Variants in NFIA observed in about 807,000 individuals in gnomAD.
NFIA encodes nuclear factor I A.
Under a neutral mutation model 62.8 loss-of-function variants are expected in NFIA, and 8 were observed. That is an observed-to-expected ratio of 0.13 (90% CI 0.07 to 0.23). The LOEUF (loss-of-function observed/expected upper bound fraction) is 0.23, where lower values mean the gene tolerates loss of function less well. Ranked by LOEUF, NFIA falls within the 10% of genes least tolerant of loss-of-function variation. The probability of loss-of-function intolerance (pLI) is 1.00; values close to 1 mark genes in which losing one functional copy is unlikely to be tolerated. For missense variants in NFIA, 410 were observed against 642.1 expected (o/e 0.64, Z 3.91); for synonymous variants, 235 against 238.1 (o/e 0.99, Z 0.12).
At chr1:61,359,010 A>G (rs1663136621) in intron 5 of NFIA, 137 bp from the exon 6 acceptor site, 1 of 1,221,448 alleles carries the variant, frequency 8.2e-7, no homozygotes, top group South Asian at 1.5e-5. Flanking sequence ...GACTGAACAG[A>G]AGTTTAAAAG....
Position 61,245,850 on chromosome 1 carries a change from A to G in NFIA, c.560-31670A>G, listed in dbSNP as rs187985516. 4.1e-3 allele frequency among the ~76,000 whole-genome samples: 627 copies of G among 152,346 alleles called. 9 individuals carry two copies. The highest frequency in any genetic ancestry group is 0.019 in the Admixed American group (292 of 15,306). On this transcript the variant is annotated intron_variant, in intron 2 of 10. Coordinates refer to ENST00000403491, the MANE Select transcript of NFIA (RefSeq NM_001134673.4). ...AAATTCATTTGGAATTTAAATACTT[A>G]GAGCTCACGGCAAGAGTCCAAGACA...
chr1:61,290,659 G>A (rs1277890310), intron 3 of NFIA, among the ~76,000 whole-genome samples: 2 of 152,188 alleles, frequency 1.3e-5, no homozygotes, highest in Admixed American at 6.5e-5. Context: ...CTTGTTGTCC[G>A]AGCTTGAGCC....
intron 6 of NFIA, among the ~76,000 whole-genome samples, 158 bp downstream of exon 6, chr1:61,359,432 A>G (rs1405164833): frequency 6.6e-6 from 1 of 152,258 alleles, no homozygotes; most frequent in African/African-American, 2.4e-5. Flanking sequence ...TGCCACATTC[A>G]TAAAAGGATG....
chr1:61,260,505 G>A (rs1027706595), intron 2 of NFIA, among the ~76,000 whole-genome samples: 2 of 152,190 alleles, frequency 1.3e-5, no homozygotes, highest in Admixed American at 6.5e-5. Flanking sequence ...TTGGCACATA[G>A]TACATGCTCA....
At chr1:61,383,816 A>G (rs1171752606) in intron 7 of NFIA, among the ~76,000 whole-genome samples, 1 of 152,208 alleles carries the variant, frequency 6.6e-6, no homozygotes, top group Non-Finnish European at 1.5e-5. Flanking sequence ...CTCTCTTTCC[A>G]TAAAACCTGA....
chr1:61,452,060 T>C (rs941742043), intron 10 of NFIA, among the ~76,000 whole-genome samples: 4 of 152,208 alleles, frequency 2.6e-5, no homozygotes, highest in African/African-American at 7.2e-5. Context: ...GCTTGCATAA[T>C]AGAAATTATA....
At chr1:61,337,738 C>T (rs1299540960) in intron 4 of NFIA, among the ~76,000 whole-genome samples, 1 of 152,196 alleles carries the variant, frequency 6.6e-6, no homozygotes, top group Non-Finnish European at 1.5e-5. Flanking sequence ...CTTGAAGTTG[C>T]TACAAAGAGA....
At chr1:61,142,385 T>C (rs1463341194) in intron 2 of NFIA, among the ~76,000 whole-genome samples, 4 of 152,204 alleles carry the variant, frequency 2.6e-5, no homozygotes, top group African/African-American at 7.2e-5. Context: ...CTGAACATAC[T>C]GTATGTTATT....
intron 3 of NFIA, among the ~76,000 whole-genome samples, chr1:61,315,634 G>A (rs1421186788): frequency 1.3e-5 from 2 of 152,124 alleles, no homozygotes; most frequent in African/African-American, 4.8e-5. Context: ...TATTAGAGCT[G>A]GAGGAGCTGC....
chr1:61,344,090 A>G (rs1249699899), intron 4 of NFIA, among the ~76,000 whole-genome samples: 1 of 152,152 alleles, frequency 6.6e-6, no homozygotes, highest in Admixed American at 6.5e-5. Flanking sequence ...TCTCATAGGC[A>G]GTGTTCAGGA....
chr1:61,280,839 G>T (rs1197934726), intron 3 of NFIA, among the ~76,000 whole-genome samples: 2 of 152,172 alleles, frequency 1.3e-5, no homozygotes, highest in African/African-American at 4.8e-5. Flanking sequence ...ATAATATAAT[G>T]GGTAAAAACT....
chr1:61,177,686 T>TGTGTGTGTGTGTG (rs1557616609), intron 2 of NFIA, among the ~76,000 whole-genome samples: 3 of 151,248 alleles, frequency 2.0e-5, no homozygotes, highest in South Asian at 2.1e-4. Context: ...TGTGTGTGTG[T>TGTGTGTGTGTGTG]TGGAATACCA....
chr1:61,303,318 C>G (rs1047681610), intron 3 of NFIA, among the ~76,000 whole-genome samples: 1 of 152,130 alleles, frequency 6.6e-6, no homozygotes, highest in African/African-American at 2.4e-5. Flanking sequence ...AAATCCCTGC[C>G]CCTCAAGGAG....
intron 2 of NFIA, among the ~76,000 whole-genome samples, chr1:61,100,635 C>T (rs1020397485): frequency 3.3e-5 from 5 of 152,238 alleles, no homozygotes; most frequent in Middle Eastern, 3.4e-3. Flanking sequence ...GCTCTGTTGC[C>T]TAGCTGGAGT....
At chr1:61,146,859 G>T (rs532479552) in intron 2 of NFIA, among the ~76,000 whole-genome samples, 3 of 151,962 alleles carry the variant, frequency 2.0e-5, no homozygotes, top group African/African-American at 4.8e-5. Context: ...TTTTATGTGT[G>T]TTTAACTTAA....
At chr1:61,133,939 A>G (rs1345743953) in intron 2 of NFIA, among the ~76,000 whole-genome samples, 1 of 152,078 alleles carries the variant, frequency 6.6e-6, no homozygotes, top group Non-Finnish European at 1.5e-5. Flanking sequence ...CCTGGCCAAC[A>G]TGGTGAAACC....
At chr1:61,278,644 C>T (rs536053840) in intron 3 of NFIA, among the ~76,000 whole-genome samples, 14 of 152,172 alleles carry the variant, frequency 9.2e-5, no homozygotes, top group African/African-American at 2.4e-4. Context: ...AAAAATTATT[C>T]GGTCGTAGTG....
intron 2 of NFIA, among the ~76,000 whole-genome samples, chr1:61,160,697 T>C (rs1289401104): frequency 2.0e-5 from 3 of 152,236 alleles, no homozygotes; most frequent in Non-Finnish European, 4.4e-5. Flanking sequence ...GCTGCTTTAG[T>C]AGCCCACAAA....
intron 2 of NFIA, among the ~76,000 whole-genome samples, chr1:61,162,077 A>T (rs898360329): frequency 6.6e-6 from 1 of 152,216 alleles, no homozygotes; most frequent in African/African-American, 2.4e-5. Context: ...TGTTTCCTTC[A>T]GGACCAAATC....
Sources: allele counts gnomAD v4.1 joint callset (sites outside exome capture counted in the v4.1 genomes callset), GRCh38; gene constraint gnomAD v4.1.1; transcripts MANE v1.5; gene names NCBI Gene and HGNC (gene_info 2026-07-23, HGNC 2026-07-21).